The following NCK2 variants were observed in gnomAD, a reference collection of about 807,000 sequenced individuals.
The protein encoded by NCK2 is cytoplasmic protein NCK2.
Under a neutral mutation model 33.9 loss-of-function variants are expected in NCK2, and 16 were observed. The ratio of observed to expected loss-of-function variants is 0.47; its 90% CI spans 0.32 to 0.72. NCK2 has a LOEUF of 0.72. Among genes scored for constraint, NCK2 ranks in the 30% least tolerant of loss-of-function variants. The pLI is 0.03. For synonymous variants in NCK2, 273 were observed against 239.9 expected (o/e 1.14, Z -1.27); for missense variants, 418 against 537.3 (o/e 0.78, Z 2.19).
chr2:105,803,702 T>C (rs1674928530), intron 1 of NCK2, among the ~76,000 whole-genome samples: 1 of 152,222 alleles, frequency 6.6e-6, no homozygotes. Flanking sequence ...TATGAGGGTT[T>C]AGAGAATAAG....
intron 2 of NCK2, among the ~76,000 whole-genome samples, chr2:105,818,681 G>A (rs190115686): frequency 6.6e-6 from 1 of 152,092 alleles, no homozygotes; most frequent in Non-Finnish European, 1.5e-5. Flanking sequence ...TATTACAGTG[G>A]ACATTTGTAT....
chr2:105,891,532 ATTTTTTTTTTTTTTTTTTTTTTT>A (rs757598660), intron 4 of NCK2, among the ~76,000 whole-genome samples: 8 of 81,334 alleles, frequency 9.8e-5, no homozygotes, highest in Non-Finnish European at 1.3e-4. Flanking sequence ...TAAAAGACCA[ATTTTTTTTTTTTTTTTTTTTTTT>A]TTTTTTTTTT....
rs192775452 is a variant in NCK2, at chr2:105,821,614, A to G, written c.-17+5001A>G. 2.1e-3 allele frequency among the ~76,000 whole-genome samples: 319 copies of G among 152,272 alleles called. 1 individual carries two copies. The highest frequency in any genetic ancestry group is 2.6e-3 in the Non-Finnish European group (179 of 68,020). On this transcript the variant is annotated intron_variant, in intron 2 of 4. Transcript: ENST00000233154. ...GAAAACATTGCCACATTGATTCCAC[A>G]GTGCCCCGGTGGTGCAGTCAGTGGA...
intron 1 of NCK2, among the ~76,000 whole-genome samples, chr2:105,815,436 G>C (rs6543341): frequency 0.84 from 128,370 of 152,256 alleles, 54,200 homozygotes; most frequent in Middle Eastern, 0.88. Context: ...TAGATCTTCT[G>C]TGAGTGAACT....
rs957957809 is a variant in NCK2 at position 105,824,362 on chromosome 2, C to T, written c.-17+7749C>T. Among the ~76,000 whole-genome samples the T allele has an allele frequency of 3.3e-5, 5 of 152,172 alleles. No homozygotes were observed. In the East Asian group the frequency reaches 9.6e-4, roughly 29 times the overall value. On this transcript the variant is annotated intron_variant, in intron 2 of 4. Transcript: ENST00000233154. Reference sequence around the variant, plus strand: ...TCAGACTTGTTTTATTTAGTGCCTTCCGGAATATGCCACTTATGATCTTAC... The same window carrying T: ...TCAGACTTGTTTTATTTAGTGCCTTTCGGAATATGCCACTTATGATCTTAC...
Position 105,796,548 on chromosome 2 carries a change from C to A in NCK2, c.-200-19882C>A, listed in dbSNP as rs568737219. Among the ~76,000 whole-genome samples, 3 of 152,232 alleles carry A rather than the reference C, an allele frequency of 2.0e-5. No individual in the cohort carries two copies. The South Asian group carries it at 6.2e-4, about 32-fold the overall frequency. On this transcript the variant is annotated intron_variant, in intron 1 of 4. Coordinates refer to ENST00000233154, the MANE Select transcript of NCK2 (RefSeq NM_003581.5). Reference sequence around the variant, plus strand: ...GGCCTGGGGACATGAGTGTGTGGCACAGAACGCAGGTGTTCAGATCGGCAG... The same window carrying A: ...GGCCTGGGGACATGAGTGTGTGGCAAAGAACGCAGGTGTTCAGATCGGCAG...
At chr2:105,754,940 C>G (rs571858993) in intron 1 of NCK2, among the ~76,000 whole-genome samples, 1 of 151,880 alleles carries the variant, frequency 6.6e-6, no homozygotes, top group Admixed American at 6.6e-5. Context: ...CCAGCCATTT[C>G]CATTCTTTCT....
intron 2 of NCK2, among the ~76,000 whole-genome samples, chr2:105,831,447 A>G (rs957442459): frequency 1.4e-5 from 2 of 146,804 alleles, no homozygotes; most frequent in Non-Finnish European, 3.0e-5. Context: ...ATATCATTCT[A>G]TGCTGTAAAA....
intron 3 of NCK2, among the ~76,000 whole-genome samples, chr2:105,876,860 G>A (rs1335095436): frequency 1.3e-5 from 2 of 152,140 alleles, no homozygotes; most frequent in South Asian, 2.1e-4. Flanking sequence ...GTTTGCCTTC[G>A]AATTAGAGAG....
intron 1 of NCK2, among the ~76,000 whole-genome samples, chr2:105,784,264 C>T (rs567300991): frequency 2.6e-5 from 4 of 152,192 alleles, no homozygotes; most frequent in Non-Finnish European, 4.4e-5. Flanking sequence ...ACACCACGCC[C>T]GGCTGTTATT....
chr2:105,760,552 G>A (rs894887710), intron 1 of NCK2, among the ~76,000 whole-genome samples: 22 of 152,118 alleles, frequency 1.4e-4, no homozygotes, highest in South Asian at 6.2e-4. Flanking sequence ...AAGGCTCCCC[G>A]TGTAACCACT....
At chr2:105,858,227 A>C (rs1230175615) in intron 3 of NCK2, among the ~76,000 whole-genome samples, 1 of 151,788 alleles carries the variant, frequency 6.6e-6, no homozygotes, top group East Asian at 1.9e-4. Context: ...ACAGCATCAA[A>C]AGTACACCAC....
At chr2:105,772,314 C>T (rs1439142124) in intron 1 of NCK2, among the ~76,000 whole-genome samples, 1 of 152,130 alleles carries the variant, frequency 6.6e-6, no homozygotes, top group Admixed American at 6.6e-5. Context: ...CCTTCTGCCC[C>T]ATGGAATAAA....
chr2:105,751,551 C>T (rs577188352), intron 1 of NCK2, among the ~76,000 whole-genome samples: 1 of 152,300 alleles, frequency 6.6e-6, no homozygotes, highest in Admixed American at 6.5e-5. Flanking sequence ...CCCATATACA[C>T]ACATGCTGAG....
At chr2:105,810,888 G>C (rs533557987) in intron 1 of NCK2, among the ~76,000 whole-genome samples, 1 of 152,228 alleles carries the variant, frequency 6.6e-6, no homozygotes, top group Admixed American at 6.5e-5. Flanking sequence ...TATTTGCCCG[G>C]CTATGGGCCA....
intron 2 of NCK2, among the ~76,000 whole-genome samples, chr2:105,819,141 T>G (rs767519636): frequency 2.6e-5 from 4 of 152,308 alleles, no homozygotes; most frequent in Non-Finnish European, 5.9e-5. Context: ...ACTGCATACC[T>G]GACTTCACCC....
chr2:105,834,317 C>A (rs975368399), intron 2 of NCK2, among the ~76,000 whole-genome samples: 1 of 151,974 alleles, frequency 6.6e-6, no homozygotes, highest in Non-Finnish European at 1.5e-5. Flanking sequence ...ATGTGGGTGC[C>A]CTGTTCTTGG....
At chr2:105,872,939 A>G (rs3754802) in intron 3 of NCK2, among the ~76,000 whole-genome samples, 32,226 of 152,178 alleles carry the variant, frequency 0.21, 3,724 homozygotes, top group East Asian at 0.31. Context: ...GGAAGTGGAC[A>G]TTAGCAGCGC....
chr2:105,784,542 A>G (rs2104409858), intron 1 of NCK2, among the ~76,000 whole-genome samples: 1 of 152,378 alleles, frequency 6.6e-6, no homozygotes, highest in East Asian at 1.9e-4. Context: ...TGGAGGGTAC[A>G]ATGTAGAGAT....
Sources: allele counts gnomAD v4.1 joint callset (sites outside exome capture counted in the v4.1 genomes callset), GRCh38; gene constraint gnomAD v4.1.1; transcripts MANE v1.5; gene names NCBI Gene and HGNC (gene_info 2026-07-23, HGNC 2026-07-21).